The following CSMD3 variants were observed in gnomAD, a reference collection of about 807,000 sequenced individuals.
CSMD3 encodes CUB and Sushi multiple domains 3.
Under a neutral mutation model 435.2 loss-of-function variants are expected in CSMD3, and 177 were observed. That is an observed-to-expected ratio of 0.41 (90% CI 0.36 to 0.46). CSMD3 has a LOEUF of 0.46. CSMD3 is among the 20% of genes least tolerant of loss of function. The probability of loss-of-function intolerance (pLI) is 0.34; values close to 1 mark genes in which losing one functional copy is unlikely to be tolerated. For missense variants in CSMD3, 4,265 were observed against 4,504.6 expected (o/e 0.95, Z 1.52); for synonymous variants, 1,656 against 1,520.5 (o/e 1.09, Z -2.07).
At chr8:112,431,839 T>C (rs946055086) in intron 32 of CSMD3, among the ~76,000 whole-genome samples, 1 of 152,128 alleles carries the variant, frequency 6.6e-6, no homozygotes, top group Non-Finnish European at 1.5e-5. Context: ...ATACCAAAAA[T>C]GGGATAGACA....
intron 53 of CSMD3, among the ~76,000 whole-genome samples, chr8:112,298,692 A>G (rs553829365): frequency 3.9e-5 from 6 of 152,190 alleles, no homozygotes; most frequent in Non-Finnish European, 7.4e-5. Context: ...CAAATAGCCA[A>G]TAAGCCTATG....
chr8:112,892,499 T>C (rs1414339180), intron 10 of CSMD3, among the ~76,000 whole-genome samples: 3 of 151,560 alleles, frequency 2.0e-5, no homozygotes, highest in African/African-American at 4.8e-5. Flanking sequence ...ATATGAAGTT[T>C]TACTGCCCTT....
chr8:112,939,173 T>C (rs997040953), intron 9 of CSMD3, among the ~76,000 whole-genome samples: 6 of 152,088 alleles, frequency 3.9e-5, no homozygotes, highest in African/African-American at 1.4e-4. Flanking sequence ...TAGAAGATAA[T>C]TGCTTTTGTG....
chr8:112,692,911 TTATATC>T (rs1328326491), intron 13 of CSMD3, among the ~76,000 whole-genome samples: 1 of 144,094 alleles, frequency 6.9e-6, no homozygotes, highest in Non-Finnish European at 1.5e-5. Context: ...AAATTAATCT[TTATATC>T]TATCTATCTA....
chr8:113,363,416 G>A (rs1470663962), intron 1 of CSMD3, among the ~76,000 whole-genome samples: 1 of 152,024 alleles, frequency 6.6e-6, no homozygotes, highest in Non-Finnish European at 1.5e-5. Context: ...TGCAGCTGTA[G>A]CAAATTACCA....
chr8:112,984,561 A>C (rs1231685124), intron 6 of CSMD3, among the ~76,000 whole-genome samples: 1 of 152,140 alleles, frequency 6.6e-6, no homozygotes, highest in African/African-American at 2.4e-5. Flanking sequence ...GATACAAATT[A>C]GAAGGTTAAT....
intron 4 of CSMD3, among the ~76,000 whole-genome samples, chr8:113,172,083 A>G (rs2092277941): frequency 6.6e-6 from 1 of 152,182 alleles, no homozygotes; most frequent in Non-Finnish European, 1.5e-5. Context: ...ACTGGCACAA[A>G]TCCTGCTATT....
At chr8:113,038,464 T>C (rs1259309044) in intron 5 of CSMD3, among the ~76,000 whole-genome samples, 1 of 152,108 alleles carries the variant, frequency 6.6e-6, no homozygotes, top group African/African-American at 2.4e-5. Context: ...TGAGGAGACA[T>C]CACAGAATAG....
intron 27 of CSMD3, among the ~76,000 whole-genome samples, chr8:112,542,065 T>G (rs1052849942): frequency 6.6e-6 from 1 of 151,522 alleles, no homozygotes; most frequent in African/African-American, 2.4e-5. Flanking sequence ...ATAATTTCAG[T>G]AGATGCAGAA....
At chr8:113,089,920 G>A (rs1343381246) in intron 5 of CSMD3, among the ~76,000 whole-genome samples, 1 of 152,056 alleles carries the variant, frequency 6.6e-6, no homozygotes, top group Non-Finnish European at 1.5e-5. Context: ...GACTAACCAT[G>A]ATGACTGTTG....
chr8:112,941,162 A>T (rs2130766285), intron 9 of CSMD3, among the ~76,000 whole-genome samples: 1 of 152,002 alleles, frequency 6.6e-6, no homozygotes, highest in South Asian at 2.1e-4. Flanking sequence ...TATGTAAGAT[A>T]ACACAGGCAA....
intron 9 of CSMD3, among the ~76,000 whole-genome samples, chr8:112,925,025 T>C (rs2082867392): frequency 6.6e-6 from 1 of 152,156 alleles, no homozygotes; most frequent in Non-Finnish European, 1.5e-5. Flanking sequence ...GTCCCAACTT[T>C]AAAATTTCAT....
chr8:113,018,633 C>A (rs1229178636), intron 6 of CSMD3: 1 of 172,944 alleles, frequency 5.8e-6, no homozygotes, highest in Non-Finnish European at 1.2e-5. Context: ...TTTATGTTAA[C>A]ACAATTGGTA....
At chr8:113,286,711 A>C (rs1464038102) in intron 2 of CSMD3, among the ~76,000 whole-genome samples, 9 of 151,942 alleles carry the variant, frequency 5.9e-5, no homozygotes, top group Non-Finnish European at 1.3e-4. Flanking sequence ...GAATGTAAAA[A>C]AAAAAGACTC....
intron 1 of CSMD3, among the ~76,000 whole-genome samples, chr8:113,333,681 A>G (rs773367687): frequency 2.6e-5 from 4 of 151,940 alleles, no homozygotes; most frequent in Non-Finnish European, 4.4e-5. Context: ...TTGTAACTAC[A>G]TAATAAGCTT....
chr8:113,060,669 TAA>T (rs2088574089), intron 5 of CSMD3, among the ~76,000 whole-genome samples: 1 of 152,138 alleles, frequency 6.6e-6, no homozygotes, highest in African/African-American at 2.4e-5. Context: ...CAAAAAATAT[TAA>T]GTTCATATTA....
intron 23 of CSMD3, among the ~76,000 whole-genome samples, chr8:112,579,747 C>T (rs1830207961): frequency 6.6e-6 from 1 of 151,920 alleles, no homozygotes; most frequent in African/African-American, 2.4e-5. Context: ...CTTTAGAAAA[C>T]AACAGGTTAA....
intron 4 of CSMD3, among the ~76,000 whole-genome samples, chr8:113,132,055 C>T (rs569848257): frequency 1.3e-5 from 2 of 152,116 alleles, no homozygotes; most frequent in Non-Finnish European, 2.9e-5. Flanking sequence ...GGCCTATAGC[C>T]CCTTTGTTTT....
At chr8:112,855,643 A>G (rs928630118) in intron 11 of CSMD3, among the ~76,000 whole-genome samples, 2 of 152,042 alleles carry the variant, frequency 1.3e-5, no homozygotes, top group South Asian at 4.1e-4. Flanking sequence ...ATTAGATGAT[A>G]GATGACAGAT....
Sources: allele counts gnomAD v4.1 joint callset (sites outside exome capture counted in the v4.1 genomes callset), GRCh38; gene constraint gnomAD v4.1.1; transcripts MANE v1.5; gene names NCBI Gene and HGNC (gene_info 2026-07-23, HGNC 2026-07-21).